The following ZNF407 variants were observed in gnomAD, a reference collection of about 807,000 sequenced individuals.
The protein encoded by ZNF407 is zinc finger protein 407.
In ZNF407, 17 loss-of-function variants were observed where a neutral mutation model predicts 131.2. The ratio of observed to expected loss-of-function variants is 0.13; its 90% CI spans 0.09 to 0.19. The LOEUF (loss-of-function observed/expected upper bound fraction) is 0.19. Among genes scored for constraint, ZNF407 ranks in the 10% least tolerant of loss-of-function variants. ZNF407 has a pLI of 1.00. For synonymous variants in ZNF407, 1,156 were observed against 1,062.0 expected (o/e 1.09, Z -1.72); for missense variants, 2,681 against 2,830.6 (o/e 0.95, Z 1.20).
intron 3 of ZNF407, among the ~76,000 whole-genome samples, chr18:74,704,679 GTT>G (rs1967582133): frequency 2.0e-5 from 3 of 152,196 alleles, no homozygotes; most frequent in Non-Finnish European, 4.4e-5. Context: ...GGAAGCATAA[GTT>G]TGAATTTTGT....
At chr18:74,674,971 A>C (rs1986297559) in intron 3 of ZNF407, among the ~76,000 whole-genome samples, 1 of 152,168 alleles carries the variant, frequency 6.6e-6, no homozygotes, top group Non-Finnish European at 1.5e-5. Flanking sequence ...AGACTTGTGC[A>C]TTTTATTGCT....
At chr18:74,901,750 G>T (rs1971528090) in intron 7 of ZNF407, among the ~76,000 whole-genome samples, 1 of 152,166 alleles carries the variant, frequency 6.6e-6, no homozygotes, top group East Asian at 1.9e-4. Context: ...CAATGATTAT[G>T]CAATCCAGCT....
rs762835052 is a variant in ZNF407 at position 74,632,101 on chromosome 18, T to G, written c.1082T>G (p.Ile361Ser). The stretch of plus-strand genomic sequence containing the variant: ...AATACTTTGTCACAGGAAGTAGAGA[T>G]TGTTGAAGAACATGTTACTTCCCTT... Reference protein sequence around the residue: ...SRNTLSQEVEIVEEHVTSLGL... With the variant: ...SRNTLSQEVESVEEHVTSLGL... Residue 361 changes from isoleucine to serine, a missense_variant, in exon 2 of 9, where the codon ATT becomes AGT. Around this residue, in one of 6 missense-constraint regions of ZNF407, gnomAD observed 1,789 missense variants for 1,748.7 expected, o/e 1.02. Transcript: ENST00000299687. 6.2e-7 allele frequency: 1 copy of G among 1,613,960 alleles called. No individual in the cohort carries two copies.
At chr18:75,000,964 T>C (rs965166954) in intron 8 of ZNF407, among the ~76,000 whole-genome samples, 1 of 152,194 alleles carries the variant, frequency 6.6e-6, no homozygotes, top group Non-Finnish European at 1.5e-5. Context: ...TCACAGACCC[T>C]GTCTCCCTGC....
intron 3 of ZNF407, among the ~76,000 whole-genome samples, chr18:74,685,213 G>C (rs1217990424): frequency 6.6e-6 from 1 of 152,020 alleles, no homozygotes; most frequent in African/African-American, 2.4e-5. Context: ...TTTTTTCAGG[G>C]AATATGAAGT....
At chr18:75,020,426 A>G (rs968066547) in intron 8 of ZNF407, among the ~76,000 whole-genome samples, 9 of 152,210 alleles carry the variant, frequency 5.9e-5, no homozygotes, top group African/African-American at 2.2e-4. Context: ...TAAGGGCACT[A>G]CAATGTGAAA....
At chr18:74,653,236 T>C (rs891900905) in intron 3 of ZNF407, among the ~76,000 whole-genome samples, 4 of 151,920 alleles carry the variant, frequency 2.6e-5, no homozygotes, top group East Asian at 3.9e-4. Context: ...GTTTTCTGTT[T>C]GGCTATTGTA....
intron 3 of ZNF407, among the ~76,000 whole-genome samples, chr18:74,702,714 C>T (rs576322043): frequency 2.1e-4 from 32 of 152,150 alleles, no homozygotes; most frequent in Admixed American, 1.4e-3. Flanking sequence ...TATATAAATA[C>T]ATATTTCCCT....
chr18:74,732,721 A>G (rs1968321853), intron 3 of ZNF407, among the ~76,000 whole-genome samples: 1 of 152,232 alleles, frequency 6.6e-6, no homozygotes, highest in African/African-American at 2.4e-5. Flanking sequence ...CTTGTGAATA[A>G]TAACCTCCTA....
intron 1 of ZNF407, among the ~76,000 whole-genome samples, chr18:74,627,977 C>A (rs574997075): frequency 2.4e-4 from 36 of 151,900 alleles, no homozygotes; most frequent in Non-Finnish European, 5.1e-4. Flanking sequence ...GAGGCTCAAG[C>A]GATTTTCCCA....
At chr18:74,629,749 C>G (rs921880250) in intron 1 of ZNF407, among the ~76,000 whole-genome samples, 1 of 152,056 alleles carries the variant, frequency 6.6e-6, no homozygotes, top group African/African-American at 2.4e-5. Flanking sequence ...TACGTTGATG[C>G]CTTTTTATTA....
intron 8 of ZNF407, among the ~76,000 whole-genome samples, chr18:75,059,037 T>A (rs1351563365): frequency 6.6e-6 from 1 of 152,238 alleles, no homozygotes; most frequent in East Asian, 1.9e-4. Flanking sequence ...TGAACTGTGA[T>A]GGACTCGCTG....
chr18:74,955,712 C>T (rs1972267702), intron 8 of ZNF407, among the ~76,000 whole-genome samples: 1 of 152,194 alleles, frequency 6.6e-6, no homozygotes, highest in Non-Finnish European at 1.5e-5. Flanking sequence ...TAAGTGGGTA[C>T]CCGAGTCACA....
At chr18:74,821,723 A>G (rs1227352485) in intron 4 of ZNF407, among the ~76,000 whole-genome samples, 4 of 152,202 alleles carry the variant, frequency 2.6e-5, no homozygotes, top group East Asian at 3.8e-4. Flanking sequence ...TAGTGCCGCA[A>G]TAAACATATG....
At chr18:74,653,697 C>G (rs994404473) in intron 3 of ZNF407, among the ~76,000 whole-genome samples, 1 of 151,650 alleles carries the variant, frequency 6.6e-6, no homozygotes, top group Non-Finnish European at 1.5e-5. Context: ...AATAGCGATA[C>G]TACAAACTAA....
intron 8 of ZNF407, among the ~76,000 whole-genome samples, chr18:75,044,050 T>C (rs1157178772): frequency 6.6e-6 from 1 of 152,180 alleles, no homozygotes; most frequent in African/African-American, 2.4e-5. Context: ...TATGCAAATA[T>C]GGTCAGCGTA....
At chr18:74,841,582 A>T (rs534209849) in intron 4 of ZNF407, among the ~76,000 whole-genome samples, 1 of 152,346 alleles carries the variant, frequency 6.6e-6, no homozygotes, top group East Asian at 1.9e-4. Flanking sequence ...GGTGCCCACC[A>T]CAGTGACTGC....
intron 4 of ZNF407, among the ~76,000 whole-genome samples, chr18:74,806,492 A>T (rs1970111640): frequency 6.6e-6 from 1 of 152,172 alleles, no homozygotes; most frequent in Non-Finnish European, 1.5e-5. Context: ...TTCCATGGAC[A>T]TAGCTTTTTG....
intron 8 of ZNF407, among the ~76,000 whole-genome samples, chr18:75,011,721 T>A (rs1972976342): frequency 6.6e-6 from 1 of 152,144 alleles, no homozygotes; most frequent in Non-Finnish European, 1.5e-5. Flanking sequence ...ACTTAAGTAG[T>A]ACCATTTTAA....
Sources: gnomAD v4.1 joint callset for allele counts (sites outside exome capture counted in the v4.1 genomes callset) on GRCh38, gnomAD v4.1.1 for gene constraint, gnomAD v4.1.1 regional missense constraint, MANE v1.5 for transcripts, NCBI Gene and HGNC (gene_info 2026-07-23, HGNC 2026-07-21) for gene names.